The following MTCL2 variants were observed in gnomAD, a reference collection of about 807,000 sequenced individuals.
The protein encoded by MTCL2 is microtubule cross-linking factor 2.
chr20:36,785,325 T>A, the MTCL2 span: 904 of 985,424 alleles, frequency 9.2e-4, no homozygotes, highest in Middle Eastern at 1.6e-3. Flanking sequence ...AGAATGCATG[T>A]TTCAACCTCC....
At chr20:36,831,737 C>T in the MTCL2 span, among the ~76,000 whole-genome samples, 9 of 152,304 alleles carry the variant, frequency 5.9e-5, no homozygotes, top group East Asian at 5.8e-4. Context: ...TCCTCATCCA[C>T]GAAGTGGGGA....
chr20:36,783,875 C>A, the MTCL2 span: 3 of 985,330 alleles, frequency 3.0e-6, no homozygotes, highest in Non-Finnish European at 2.4e-6. Context: ...CGAACCAAAC[C>A]AATATTTACA....
chr20:36,799,290 A>G, the MTCL2 span, among the ~76,000 whole-genome samples: 4 of 152,246 alleles, frequency 2.6e-5, no homozygotes, highest in South Asian at 8.3e-4. Flanking sequence ...TGGGAGTTCG[A>G]GACCAGCCTG....
chr20:36,792,537 A>C, the MTCL2 span, among the ~76,000 whole-genome samples: 4,135 of 151,446 alleles, frequency 0.027, 172 homozygotes, highest in African/African-American at 0.093. Context: ...AAAAAAAAAA[A>C]CCCACAGAGA....
At chr20:36,844,222 C>T in the MTCL2 span, among the ~76,000 whole-genome samples, 2 of 151,050 alleles carry the variant, frequency 1.3e-5, no homozygotes, top group South Asian at 4.2e-4. Context: ...GGTAACAGAG[C>T]GAGACTCTGT....
the MTCL2 span, chr20:36,862,714 G>A: frequency 1.3e-6 from 2 of 1,501,238 alleles, no homozygotes; most frequent in African/African-American, 1.4e-5. Flanking sequence ...AAGCCGCTGG[G>A]CCCGCAGTCC....
At chr20:36,850,620 C>T in the MTCL2 span, among the ~76,000 whole-genome samples, 4 of 152,198 alleles carry the variant, frequency 2.6e-5, no homozygotes, top group Non-Finnish European at 5.9e-5. Flanking sequence ...TAGTGAGTGC[C>T]TATGGTGGGC....
chr20:36,802,555 C>G, the MTCL2 span, among the ~76,000 whole-genome samples: 2 of 152,106 alleles, frequency 1.3e-5, no homozygotes, highest in African/African-American at 4.8e-5. Flanking sequence ...ATCCACTGTA[C>G]TTGCTAAGCT....
the MTCL2 span, among the ~76,000 whole-genome samples, chr20:36,846,721 C>A: frequency 6.6e-6 from 1 of 152,072 alleles, no homozygotes; most frequent in Admixed American, 6.6e-5. Flanking sequence ...AAATGGCTAC[C>A]ATTGGCCAGG....
At chr20:36,860,102 C>G in the MTCL2 span, among the ~76,000 whole-genome samples, 8 of 152,192 alleles carry the variant, frequency 5.3e-5, no homozygotes, top group Non-Finnish European at 8.8e-5. Flanking sequence ...CCCAAATGTA[C>G]ACAGTGAGAA....
the MTCL2 span, among the ~76,000 whole-genome samples, chr20:36,861,029 GATGGGTGCCTAGGAGC>G: frequency 1.3e-5 from 2 of 152,184 alleles, no homozygotes; most frequent in Non-Finnish European, 2.9e-5. Flanking sequence ...GGCCCATGGA[GATGGGTGCCTAGGAGC>G]CCTGAAGCAA....
At chr20:36,815,987 T>C in the MTCL2 span, 1 of 1,613,604 alleles carries the variant, frequency 6.2e-7, no homozygotes, top group Admixed American at 1.7e-5. This position sits in a 1 kb window ranked among gnomAD's most constrained non-coding sequence, Gnocchi z 5.3. Context: ...CACAGCCACC[T>C]CCATGATCCT....
chr20:36,806,107 A>G, the MTCL2 span: 2 of 614,840 alleles, frequency 3.3e-6, no homozygotes, highest in South Asian at 2.1e-5. Context: ...AAGACCAGGA[A>G]GCATCCCTGA....
chr20:36,820,124 T>C, the MTCL2 span, among the ~76,000 whole-genome samples: 1 of 152,192 alleles, frequency 6.6e-6, no homozygotes, highest in Non-Finnish European at 1.5e-5. Flanking sequence ...TGGCCTCAGC[T>C]GGGAGTTGAA....
the MTCL2 span, among the ~76,000 whole-genome samples, chr20:36,819,398 T>C: frequency 6.6e-6 from 1 of 152,142 alleles, no homozygotes; most frequent in Non-Finnish European, 1.5e-5. Flanking sequence ...CAGCCACTGA[T>C]CTAATCTGAG....
At chr20:36,856,114 C>T in the MTCL2 span, among the ~76,000 whole-genome samples, 1 of 152,220 alleles carries the variant, frequency 6.6e-6, no homozygotes, top group Non-Finnish European at 1.5e-5. Flanking sequence ...TCCCACCACT[C>T]CCTCCAGCTT....
At chr20:36,833,363 G>A in the MTCL2 span, among the ~76,000 whole-genome samples, 47,856 of 152,234 alleles carry the variant, frequency 0.31, 8,239 homozygotes, top group Middle Eastern at 0.46. Flanking sequence ...TGCGGCTTCC[G>A]AAAACCAGGG....
the MTCL2 span, among the ~76,000 whole-genome samples, chr20:36,814,955 G>A: frequency 6.6e-6 from 1 of 152,198 alleles, no homozygotes; most frequent in Admixed American, 6.5e-5. Flanking sequence ...CAGGTACTCA[G>A]GAGAGTGAGG....
chr20:36,797,443 A>G, the MTCL2 span: 21 of 1,524,038 alleles, frequency 1.4e-5, no homozygotes, highest in Non-Finnish European at 1.9e-5. Flanking sequence ...CCCCACAAGC[A>G]GGGACCTTTA....
Sources: allele counts gnomAD v4.1 joint callset (sites outside exome capture counted in the v4.1 genomes callset), GRCh38; gene constraint gnomAD v4.1.1; non-coding constraint Gnocchi (gnomAD v3.1); transcripts MANE v1.5; gene names NCBI Gene and HGNC (gene_info 2026-07-23, HGNC 2026-07-21).